PAN3: variants seen among roughly 807,000 people sequenced by gnomAD.
PAN3 encodes the protein poly(A) specific ribonuclease subunit PAN3.
Under a neutral mutation model 96.2 loss-of-function variants are expected in PAN3, and 19 were observed. That is an observed-to-expected ratio of 0.20 (90% CI 0.14 to 0.29). The LOEUF (loss-of-function observed/expected upper bound fraction) is 0.29. PAN3 is among the 10% of genes least tolerant of loss of function. PAN3 has a pLI of 1.00. For synonymous variants in PAN3, 433 were observed against 406.6 expected (o/e 1.06, Z -0.78); for missense variants, 882 against 1,108.1 (o/e 0.80, Z 2.90).
chr13:28,213,970 A>G (rs561746161), intron 5 of PAN3, among the ~76,000 whole-genome samples: 48 of 152,280 alleles, frequency 3.2e-4, no homozygotes, highest in South Asian at 2.3e-3. Flanking sequence ...TCTCTTATAC[A>G]GTGCTGGTGG....
intron 6 of PAN3, among the ~76,000 whole-genome samples, chr13:28,236,661 A>G (rs181212799): frequency 3.9e-5 from 6 of 152,352 alleles, no homozygotes; most frequent in South Asian, 2.1e-4. Flanking sequence ...CATAAAGACA[A>G]TGTTCTCAGT....
intron 1 of PAN3, among the ~76,000 whole-genome samples, chr13:28,170,223 G>C (rs1269036156): frequency 6.6e-6 from 1 of 152,118 alleles, no homozygotes; most frequent in Non-Finnish European, 1.5e-5. Context: ...ATATATACCA[G>C]TGTTAATATA....
At chr13:28,278,965 C>A (rs919244056) in intron 15 of PAN3, among the ~76,000 whole-genome samples, 1 of 151,944 alleles carries the variant, frequency 6.6e-6, no homozygotes, top group African/African-American at 2.4e-5. Context: ...TTCCCATCTT[C>A]TGGAGCTTAC....
intron 5 of PAN3, chr13:28,215,863 C>G: frequency 1.5e-6 from 2 of 1,365,042 alleles, no homozygotes; most frequent in East Asian, 4.6e-5. Flanking sequence ...GGCAAGGTCA[C>G]CAGGTTTGCC....
chr13:28,277,691 C>G (rs1887174443), intron 15 of PAN3, among the ~76,000 whole-genome samples: 1 of 152,214 alleles, frequency 6.6e-6, no homozygotes, highest in Non-Finnish European at 1.5e-5. Context: ...TTACACTAGT[C>G]ACATTTCAAG....
intron 1 of PAN3, among the ~76,000 whole-genome samples, chr13:28,142,511 ATT>A (rs74881179): frequency 0.093 from 11,793 of 126,538 alleles, 592 homozygotes; most frequent in African/African-American, 0.17. Context: ...ATAGATGGCA[ATT>A]TTTTTTTTTT....
intron 4 of PAN3, among the ~76,000 whole-genome samples, chr13:28,182,010 A>C (rs915582495): frequency 6.6e-6 from 1 of 152,236 alleles, no homozygotes; most frequent in African/African-American, 2.4e-5. Context: ...AAGATAGATA[A>C]AATTAAATTT....
chr13:28,281,766 C>CTTTTTTTTTTTTT (rs10707261), intron 17 of PAN3, among the ~76,000 whole-genome samples: 3 of 114,960 alleles, frequency 2.6e-5, no homozygotes, highest in Non-Finnish European at 3.6e-5. Context: ...TTAAAGCACA[C>CTTTTTTTTTTTTT]TTTTTTTTTT....
chr13:28,217,702 C>T (rs772579529), intron 5 of PAN3, among the ~76,000 whole-genome samples: 40 of 151,630 alleles, frequency 2.6e-4, no homozygotes, highest in Admixed American at 7.9e-4. Flanking sequence ...AAAATATAAA[C>T]GTAAATTAGG....
intron 18 of PAN3, among the ~76,000 whole-genome samples, chr13:28,290,799 A>T (rs1869660516): frequency 1.3e-5 from 2 of 152,238 alleles, no homozygotes; most frequent in South Asian, 4.1e-4. Flanking sequence ...TGAGAGCAAT[A>T]TGTAGAAAAT....
chr13:28,190,740 G>C (rs893854740), intron 4 of PAN3, among the ~76,000 whole-genome samples: 1 of 152,124 alleles, frequency 6.6e-6, no homozygotes. Context: ...ATCAGATCTC[G>C]TGAGAATTCA....
chr13:28,144,203 G>GTT (rs1447465484), intron 1 of PAN3, among the ~76,000 whole-genome samples: 10 of 129,022 alleles, frequency 7.8e-5, no homozygotes, highest in African/African-American at 2.4e-4. Flanking sequence ...GTTTCGATAA[G>GTT]TTTTTTTGTT....
At chr13:28,239,197 ACACG>A in intron 6 of PAN3, among the ~76,000 whole-genome samples, 1 of 106,548 alleles carries the variant, frequency 9.4e-6, no homozygotes, top group Non-Finnish European at 1.7e-5. Flanking sequence ...ACGCATGCAC[ACACG>A]CACACACACA....
At position 28,266,703 on chromosome 13, in the gene PAN3, G is replaced by A. The variant is rs773549157; in HGVS notation, c.1412-12G>A. On this transcript the variant is annotated splice_polypyrimidine_tract_variant and intron_variant, in intron 9 of 18. Coordinates refer to ENST00000380958, the MANE Select transcript of PAN3 (RefSeq NM_175854.8). ...CTGTATTTTCAAGTCATCTTCTTAT[G>A]AATTACTCTAGCAGTTCCTACAGAG... 2.6e-6 allele frequency: 4 copies of A among 1,531,480 alleles called. No individual in the cohort carries two copies. Among genetic ancestry groups the A allele is most frequent in the Non-Finnish European group, 1.8e-6 (2 of 1,140,558 alleles). 94.9% of individuals were successfully genotyped at this position (1,531,480 alleles called of 1,614,324 possible).
At chr13:28,246,593 C>G (rs1428410225) in intron 6 of PAN3, among the ~76,000 whole-genome samples, 1 of 152,178 alleles carries the variant, frequency 6.6e-6, no homozygotes, top group African/African-American at 2.4e-5. Flanking sequence ...CAACACTTCT[C>G]AACTTCTGGT....
intron 1 of PAN3, among the ~76,000 whole-genome samples, chr13:28,154,117 T>C (rs976689769): frequency 6.6e-6 from 1 of 152,170 alleles, no homozygotes; most frequent in Non-Finnish European, 1.5e-5. Context: ...AAGAACCCAA[T>C]TTATTTAGTT....
intron 14 of PAN3, among the ~76,000 whole-genome samples, chr13:28,275,155 G>T (rs1040355596): frequency 1.3e-5 from 2 of 152,136 alleles, no homozygotes; most frequent in African/African-American, 4.8e-5. Flanking sequence ...TGGGTTTTAC[G>T]GTGTGAAACT....
chr13:28,225,900 A>G (rs1311120586), intron 6 of PAN3, among the ~76,000 whole-genome samples: 2 of 152,246 alleles, frequency 1.3e-5, no homozygotes, highest in African/African-American at 4.8e-5. Flanking sequence ...AACGAATTGT[A>G]TAGGTCCAAA....
chr13:28,201,532 C>T (rs1264300035), intron 5 of PAN3, among the ~76,000 whole-genome samples: 9 of 151,716 alleles, frequency 5.9e-5, no homozygotes, highest in African/African-American at 2.2e-4. Context: ...GGCAACAGAG[C>T]AAGACTCCAT....
Sources: allele counts gnomAD v4.1 joint callset (sites outside exome capture counted in the v4.1 genomes callset), GRCh38; gene constraint gnomAD v4.1.1; transcripts MANE v1.5; gene names NCBI Gene and HGNC (gene_info 2026-07-23, HGNC 2026-07-21).